CDKL4: variants seen among roughly 807,000 people sequenced by gnomAD.
The protein encoded by CDKL4 is cyclin-dependent kinase-like 4.
In CDKL4, 44 loss-of-function variants were observed where a neutral mutation model predicts 42.0. The observed-to-expected ratio is 1.05, with a 90% CI of 0.82 to 1.35. The LOEUF is 1.35. CDKL4 is among the 40% of genes most tolerant of loss of function. The pLI, the probability that CDKL4 is intolerant of heterozygous loss-of-function variation, is 0.00. For synonymous variants in CDKL4, 120 were observed against 121.6 expected, an observed-to-expected ratio of 0.99 and a Z score of 0.09; for missense variants, 393 against 369.9, an observed-to-expected ratio of 1.06 and a Z score of -0.51.
chr2:39,180,923 A>G (rs1215726338), intron 8 of CDKL4, among the ~76,000 whole-genome samples: 1 of 152,120 alleles, frequency 6.6e-6, no homozygotes, highest in Non-Finnish European at 1.5e-5. Context: ...TCCTGACCTC[A>G]AGTGATCTGC....
intron 9 of CDKL4, among the ~76,000 whole-genome samples, chr2:39,177,474 G>C (rs745528784): frequency 2.7e-5 from 4 of 148,226 alleles, no homozygotes; most frequent in African/African-American, 7.5e-5. Flanking sequence ...GCACGATCTC[G>C]GCTCACTGCA....
intron 3 of CDKL4, among the ~76,000 whole-genome samples, chr2:39,219,802 G>A (rs1678189423): frequency 1.3e-5 from 2 of 152,144 alleles, no homozygotes; most frequent in African/African-American, 4.8e-5. Flanking sequence ...AACTAAGTGT[G>A]ATAGAACAAT....
rs576681269 is a variant in CDKL4, at chr2:39,231,334, CTT to C, written c.-56-1748_-56-1747del. On this transcript the variant is annotated intron_variant, in intron 1 of 9. Coordinates refer to ENST00000451199, the Ensembl canonical transcript of CDKL4. Reference sequence around the variant, plus strand: ...AAAAGTTGACTACTTGTAAATTTCTCTTGTTTCAAATGAGTACACATTTTTTA... The same window carrying C: ...AAAAGTTGACTACTTGTAAATTTCTCGTTTCAAATGAGTACACATTTTTTA... Among the ~76,000 whole-genome samples, 52 of 152,350 alleles carry C rather than the reference CTT, an allele frequency of 3.4e-4. 1 individual carries two copies. The East Asian group carries it at 8.1e-3, about 24-fold the overall frequency.
intron 2 of CDKL4, 88 bp from the exon 3 acceptor site, chr2:39,226,048 G>A: frequency 7.6e-7 from 1 of 1,312,368 alleles, no homozygotes; most frequent in Non-Finnish European, 1.0e-6. Flanking sequence ...AAAGTTGGAA[G>A]AAATTTAAGA....
At chr2:39,216,867 T>C (rs190794244) in intron 3 of CDKL4, among the ~76,000 whole-genome samples, 1 of 152,194 alleles carries the variant, frequency 6.6e-6, no homozygotes, top group African/African-American at 2.4e-5. Context: ...TTTCATAGGA[T>C]GTTAAAGATG....
In CDKL4 at chr2:39,185,364, A is replaced by G. The variant is rs1271951688; in HGVS notation, c.736-717T>C. On this transcript the variant is annotated intron_variant, in intron 7 of 9. Transcript: ENST00000451199. ...TATATACACATATGTATATATACAT[A>G]TATATATACATATGTATATATACAT... 8.7e-4 allele frequency among the ~76,000 whole-genome samples: 77 copies of G among 88,530 alleles called. 9 individuals carry two copies. The highest frequency in any genetic ancestry group is 3.0e-3 in the Admixed American group (23 of 7,548). 58.1% of individuals were successfully genotyped at this position (88,530 alleles called of 152,430 possible). A position where few individuals can be genotyped will look rare whatever the true frequency, so the allele number is the denominator to read the frequency against.
intron 8 of CDKL4, among the ~76,000 whole-genome samples, chr2:39,180,116 GC>G (rs1428782141): frequency 6.6e-6 from 1 of 152,170 alleles, no homozygotes; most frequent in African/African-American, 2.4e-5. Context: ...ATAAAGAGCA[GC>G]TTTAAGCCAG....
rs1265885315 is a variant in CDKL4, at chr2:39,185,338, A to G, written c.736-691T>C. ...TATACATATATATACACATATGTAT[A>G]TATATACACATATGTATATATACAT... On this transcript the variant is annotated intron_variant, in intron 7 of 9. Coordinates refer to ENST00000451199, the Ensembl canonical transcript of CDKL4. 7.1e-5 allele frequency among the ~76,000 whole-genome samples: 8 copies of G among 111,966 alleles called. 2 individuals carry two copies. Among genetic ancestry groups the G allele is most frequent in the Admixed American group, 4.2e-4 (4 of 9,506 alleles). 73.5% of individuals were successfully genotyped at this position (111,966 alleles called of 152,430 possible).
In CDKL4 at chr2:39,238,010, A is replaced by T. The variant is rs532601426; in HGVS notation, c.-57+5861T>A. Among the ~76,000 whole-genome samples, 101 of 152,378 alleles carry T rather than the reference A, an allele frequency of 6.6e-4. 1 individual carries two copies. In the South Asian group the frequency reaches 0.017, roughly 25 times the overall value. On this transcript the variant is annotated intron_variant, in intron 1 of 9. Transcript: ENST00000451199. ...GAATACATTTAACAACTGAAGTGCA[A>T]GACCTGCATACTGAAAATTACAAAA...
chr2:39,221,266 C>T (rs969892376), intron 3 of CDKL4, among the ~76,000 whole-genome samples: 4 of 151,894 alleles, frequency 2.6e-5, no homozygotes, highest in Admixed American at 6.6e-5. Context: ...CCAGCCACCT[C>T]GGCCTCCCAA....
intron 2 of CDKL4, among the ~76,000 whole-genome samples, chr2:39,226,988 C>T (rs1411407432): frequency 6.6e-6 from 1 of 151,932 alleles, no homozygotes; most frequent in Non-Finnish European, 1.5e-5. Flanking sequence ...GCTGGTCTCA[C>T]GTGGACAGGC....
At chr2:39,169,352 C>T in the CDKL4 span, among the ~76,000 whole-genome samples, 3 of 152,120 alleles carry the variant, frequency 2.0e-5, no homozygotes, top group African/African-American at 4.8e-5. Flanking sequence ...TGCCTGTAAA[C>T]TACTATTGAC....
At chr2:39,185,406 GTATATATACATATATA>G (rs1558547530) in intron 7 of CDKL4, among the ~76,000 whole-genome samples, 1 of 14,484 alleles carries the variant, frequency 6.9e-5, no homozygotes, top group Non-Finnish European at 3.0e-4. Flanking sequence ...ATACATATGT[GTATATATACATATATA>G]TATACATATG....
At position 39,185,359 on chromosome 2, in the gene CDKL4, T is replaced by TATAC. The variant is rs1171006428; in HGVS notation, c.736-713_736-712insGTAT. Among the ~76,000 whole-genome samples, 2 of 97,232 alleles carry TATAC rather than the reference T, an allele frequency of 2.1e-5. 1 individual carries two copies. The highest frequency in any genetic ancestry group is 8.8e-5 in the African/African-American group (2 of 22,622). The allele number at this position is 97,232 out of a possible 152,430, so 63.8% of individuals were successfully genotyped here. On this transcript the variant is annotated intron_variant, in intron 7 of 9. Transcript: ENST00000451199. ...GTATATATATACACATATGTATATA[T>TATAC]ACATATATATATACATATGTATATA...
chr2:39,230,837 AT>A (rs1015028018), intron 1 of CDKL4, among the ~76,000 whole-genome samples: 2 of 152,250 alleles, frequency 1.3e-5, no homozygotes, highest in Admixed American at 1.3e-4. Context: ...GTAATACAGA[AT>A]TAGAACCCAC....
chr2:39,234,390 T>C (rs1679248656), intron 1 of CDKL4, among the ~76,000 whole-genome samples: 1 of 151,916 alleles, frequency 6.6e-6, no homozygotes, highest in South Asian at 2.1e-4. Flanking sequence ...GATTGGGGCA[T>C]TAAAGAAAGG....
At chr2:39,206,752 G>A (rs774139363) in intron 4 of CDKL4, among the ~76,000 whole-genome samples, 23 of 152,316 alleles carry the variant, frequency 1.5e-4, no homozygotes, top group Middle Eastern at 3.4e-3. Context: ...GATTGCAAGT[G>A]GCCACTGACA....
chr2:39,174,436 T>C (rs1360330874), downstream of CDKL4, among the ~76,000 whole-genome samples: 4 of 151,674 alleles, frequency 2.6e-5, no homozygotes, highest in Admixed American at 1.3e-4. Flanking sequence ...CAAAAAACTA[T>C]TGCTTAGATG....
intron 5 of CDKL4, among the ~76,000 whole-genome samples, chr2:39,201,649 C>A (rs1676857607): frequency 1.3e-5 from 2 of 152,076 alleles, no homozygotes. Context: ...TACAAAGGAA[C>A]AAAATAATGG....
Sources: allele counts gnomAD v4.1 joint callset (sites outside exome capture counted in the v4.1 genomes callset), GRCh38; gene constraint gnomAD v4.1.1; transcripts MANE v1.5; gene names NCBI Gene and HGNC (gene_info 2026-07-23, HGNC 2026-07-21).